The following PIEZO2 variants were observed in gnomAD, a reference collection of about 807,000 sequenced individuals.
The protein encoded by PIEZO2 is piezo-type mechanosensitive ion channel component 2.
In PIEZO2, 172 loss-of-function variants were observed where a neutral mutation model predicts 337.3. The observed-to-expected ratio is 0.51, with a 90% CI of 0.45 to 0.58. The LOEUF is 0.58. PIEZO2 is among the 20% of genes least tolerant of loss of function. The probability of loss-of-function intolerance (pLI) is 0.00; values close to 1 mark genes in which losing one functional copy is unlikely to be tolerated. For synonymous variants in PIEZO2, 1,251 were observed against 1,228.5 expected, an observed-to-expected ratio of 1.02 and a Z score of -0.38; for missense variants, 3,028 against 3,391.3, an observed-to-expected ratio of 0.89 and a Z score of 2.66.
Position 11,038,542 on chromosome 18 carries a change from G to T in PIEZO2, c.160+27585C>A, listed in dbSNP as rs1262232403. Among the ~76,000 whole-genome samples the T allele has an allele frequency of 1.3e-5, 2 of 152,106 alleles. No homozygotes were observed. The highest frequency in any genetic ancestry group is 2.9e-5 in the Non-Finnish European group (2 of 68,022). ...AGATATGGGAGGCAGTACTCCTCCT[G>T]CAAACCCCTGGATGAAGACTGAATG... is the stretch of plus-strand genomic sequence containing the variant. On this transcript the variant is annotated intron_variant, in intron 2 of 55. Coordinates refer to ENST00000674853, the MANE Select transcript of PIEZO2 (RefSeq NM_001378183.1). The surrounding 1 kb of genome is among the most constrained non-coding windows in gnomAD (Gnocchi z 4.1).
intron 7 of PIEZO2, among the ~76,000 whole-genome samples, chr18:10,809,291 A>G (rs1362509821): frequency 7.2e-5 from 2 of 27,648 alleles, no homozygotes; most frequent in Admixed American, 4.5e-4. Flanking sequence ...TTTTTTTTTG[A>G]GACAGAGTCT....
intron 11 of PIEZO2, among the ~76,000 whole-genome samples, chr18:10,799,725 C>A (rs999027552): frequency 6.6e-6 from 1 of 152,188 alleles, no homozygotes; most frequent in Non-Finnish European, 1.5e-5. Flanking sequence ...GTAGTCCTAG[C>A]AGTTTGGTAG....
chr18:10,949,539 C>T (rs1037869482), intron 3 of PIEZO2, among the ~76,000 whole-genome samples: 2 of 152,236 alleles, frequency 1.3e-5, no homozygotes, highest in East Asian at 3.8e-4. Flanking sequence ...AAAAGTCAGC[C>T]ATTCTGGCTC....
intron 2 of PIEZO2, among the ~76,000 whole-genome samples, chr18:11,053,524 T>G (rs2145860831): frequency 6.6e-6 from 1 of 152,306 alleles, no homozygotes; most frequent in East Asian, 1.9e-4. Context: ...TCAAGGGATC[T>G]TCCCACCTTA....
chr18:10,773,454 C>G lies in PIEZO2; in HGVS notation c.2743G>C (p.Gly915Arg), dbSNP rs750411760. The change falls in exon 20 of 56, where the codon GGA becomes CGA. Residue 915 changes from glycine (G) to arginine (R), a missense_variant. By Grantham distance (125) the Gly-to-Arg change is moderately radical. Around this residue, in one of 5 missense-constraint regions of PIEZO2, gnomAD observed 1,925 missense variants for 2,051.9 expected, o/e 0.94. Transcript: ENST00000674853. This position sits in a 1 kb window ranked among gnomAD's most constrained non-coding sequence, Gnocchi z 5.3. Reference sequence around the variant, plus strand: ...TCCTCGGATTCCTCCTCTTCCTCTCCGTCCTCCTCTGACTCCTCGCTGTCT... The same window carrying G: ...TCCTCGGATTCCTCCTCTTCCTCTCGGTCCTCCTCTGACTCCTCGCTGTCT... Reference protein sequence around the residue: ...GKDSEESEEDGEEEEESEEEE... With the variant: ...GKDSEESEEDREEEEESEEEE... 3 of 1,537,386 alleles carry G rather than the reference C, an allele frequency of 2.0e-6. No homozygotes were observed. Among genetic ancestry groups the G allele is most frequent in the South Asian group, 1.2e-5 (1 of 84,058 alleles).
At chr18:11,039,347 G>A (rs76580155) in intron 2 of PIEZO2, among the ~76,000 whole-genome samples, 5,358 of 152,276 alleles carry the variant, frequency 0.035, 143 homozygotes, top group Middle Eastern at 0.058. Context: ...TCTATAGGCA[G>A]AAAGGGCGGA....
In PIEZO2 at chr18:10,833,566, T is replaced by C. The variant is rs1393005135; in HGVS notation, c.917+21787A>G. Reference sequence around the variant, plus strand: ...CCCAGTTACTACAAGGATGAGAGATTGTACAGCCCAAACTGCACCTGAACC... The same window carrying C: ...CCCAGTTACTACAAGGATGAGAGATCGTACAGCCCAAACTGCACCTGAACC... On this transcript the variant is annotated intron_variant, in intron 7 of 55. Transcript: ENST00000674853. This position sits in a 1 kb window ranked among gnomAD's most constrained non-coding sequence, Gnocchi z 4.7. Among the ~76,000 whole-genome samples the C allele has an allele frequency of 6.6e-6, 1 of 152,156 alleles. No homozygotes were observed. The highest frequency in any genetic ancestry group is 2.4e-5 in the African/African-American group (1 of 41,426).
chr18:10,702,157 G>C lies in PIEZO2; in HGVS notation c.6273C>G (p.Val2091=). 1.3e-6 allele frequency: 2 copies of C among 1,536,516 alleles called. No homozygotes were observed. Among genetic ancestry groups the C allele is most frequent in the Non-Finnish European group, 1.7e-6 (2 of 1,146,714 alleles). Residue 2091 remains valine, a synonymous_variant, in exon 43 of 56, where the codon GTC becomes GTG. Transcript: ENST00000674853. ...AGAACCCAAATTGGAAGAAATACTTGACTACAATTGCCACCTACGCACAGA... is the reference window on the plus strand; with the variant it reads ...AGAACCCAAATTGGAAGAAATACTTCACTACAATTGCCACCTACGCACAGA... ...AIVYTEVAIV[V]KYFFQFGFFP...
At position 10,762,519 on chromosome 18, in the gene PIEZO2, G is replaced by A; in HGVS notation, c.3230C>T (p.Pro1077Leu). The change falls in exon 23 of 56, where the codon CCT becomes CTT. Residue 1077 changes from proline (P) to leucine (L), a missense_variant. Physicochemically the swap from Pro to Leu is moderately conservative, Grantham distance 98. This residue lies in a region of PIEZO2 where 1,925 missense variants were observed against 2,051.9 expected (regional missense o/e 0.94). Coordinates refer to ENST00000674853, the MANE Select transcript of PIEZO2 (RefSeq NM_001378183.1). ...TEWVGLRKSS[P>L]LLVYLRNNLL... Reference sequence around the variant, plus strand: ...CATTACCCTCAGGTAGACTAGCAGAGGCGAAGACTTCCGCAGGCCGACCCA... The same window carrying A: ...CATTACCCTCAGGTAGACTAGCAGAAGCGAAGACTTCCGCAGGCCGACCCA... 2 of 1,537,292 alleles carry A rather than the reference G, an allele frequency of 1.3e-6. No individual in the cohort carries two copies. The highest frequency in any genetic ancestry group is 1.4e-5 in the African/African-American group (1 of 73,180).
intron 1 of PIEZO2, among the ~76,000 whole-genome samples, chr18:11,137,384 T>C (rs748972713): frequency 6.6e-6 from 1 of 152,196 alleles, no homozygotes; most frequent in Admixed American, 6.5e-5. Flanking sequence ...TTTATGGCCA[T>C]ACCTTTTAAT....
At chr18:11,000,280 A>C (rs1357295253) in intron 2 of PIEZO2, among the ~76,000 whole-genome samples, 1 of 152,192 alleles carries the variant, frequency 6.6e-6, no homozygotes, top group Non-Finnish European at 1.5e-5. Flanking sequence ...TTCCTTGCAA[A>C]AGCTCAATTT....
At chr18:10,728,783 G>A (rs1426852785) in intron 36 of PIEZO2, among the ~76,000 whole-genome samples, 4 of 151,766 alleles carry the variant, frequency 2.6e-5, no homozygotes, top group Admixed American at 6.6e-5. Flanking sequence ...GTGAAACCTC[G>A]TCTCTACTAA....
intron 2 of PIEZO2, among the ~76,000 whole-genome samples, chr18:10,990,385 T>A (rs1349264854): frequency 1.3e-5 from 2 of 152,140 alleles, no homozygotes; most frequent in African/African-American, 2.4e-5. Flanking sequence ...CTTTGGTTAA[T>A]CCTCTAATAA....
Position 10,855,506 on chromosome 18 carries a change from G to T in PIEZO2, c.764C>A (p.Thr255Asn). 2.6e-6 allele frequency: 4 copies of T among 1,537,044 alleles called. No individual in the cohort carries two copies. Among genetic ancestry groups the T allele is most frequent in the Non-Finnish European group, 3.5e-6 (4 of 1,146,912 alleles). ...GAACGTCCGGCACCAGGACCACCAGGTGCACAGACCCAAAAATACAAAAAA... is the reference window on the plus strand; with the variant it reads ...GAACGTCCGGCACCAGGACCACCAGTTGCACAGACCCAAAAATACAAAAAA... Reference protein sequence around the residue: ...VYFFVFLGLCTWWSWCRTFDP... With the variant: ...VYFFVFLGLCNWWSWCRTFDP... The change falls in exon 7 of 56, where the codon ACC becomes AAC. Residue 255 changes from threonine (T) to asparagine (N), a missense_variant. Physicochemically the swap from Thr to Asn is moderately conservative, Grantham distance 65 (BLOSUM62 0). Transcript: ENST00000674853. The surrounding 1 kb of genome is among the most constrained non-coding windows in gnomAD (Gnocchi z 4.9).
intron 36 of PIEZO2, among the ~76,000 whole-genome samples, chr18:10,722,977 T>C (rs2036383757): frequency 6.7e-6 from 1 of 148,270 alleles, no homozygotes; most frequent in Non-Finnish European, 1.5e-5. Flanking sequence ...TTTTTTTTTT[T>C]TTTTTTTGAG....
Position 11,077,491 on chromosome 18 carries a change from A to AC in PIEZO2, c.65-11270dup, listed in dbSNP as rs200195857. ...AGACCAACCTGGGCAACATAGTGAGACCCCCATCTCCACACAAAAAAAGAA... is the reference window on the plus strand; with the variant it reads ...AGACCAACCTGGGCAACATAGTGAGACCCCCCATCTCCACACAAAAAAAGAA... On this transcript the variant is annotated intron_variant, in intron 1 of 55. Coordinates refer to ENST00000674853, the MANE Select transcript of PIEZO2 (RefSeq NM_001378183.1). The surrounding 1 kb of genome is among the most constrained non-coding windows in gnomAD (Gnocchi z 4.8). Among the ~76,000 whole-genome samples, 883 of 152,022 alleles carry AC rather than the reference A, an allele frequency of 5.8e-3. 15 individuals are homozygous for AC. Among genetic ancestry groups the AC allele is most frequent in the African/African-American group, 0.019 (798 of 41,444 alleles).
intron 2 of PIEZO2, among the ~76,000 whole-genome samples, chr18:11,040,534 A>C (rs1568320751): frequency 2.0e-5 from 3 of 152,232 alleles, no homozygotes; most frequent in Non-Finnish European, 4.4e-5. Flanking sequence ...ACAATAGCAC[A>C]GAAGTACTTG....
intron 1 of PIEZO2, among the ~76,000 whole-genome samples, chr18:11,140,006 AC>A (rs766606954): frequency 6.6e-6 from 1 of 152,110 alleles, no homozygotes; most frequent in Non-Finnish European, 1.5e-5. Flanking sequence ...ATGGCAATGC[AC>A]CCACCTGGTC....
In PIEZO2 at chr18:10,846,499, A is replaced by G. The variant is rs901663335; in HGVS notation, c.917+8854T>C. Among the ~76,000 whole-genome samples, 1 of 152,200 alleles carries G rather than the reference A, an allele frequency of 6.6e-6. No individual in the cohort carries two copies. Among genetic ancestry groups the G allele is most frequent in the Admixed American group, 6.5e-5 (1 of 15,276 alleles). On this transcript the variant is annotated intron_variant, in intron 7 of 55. Coordinates refer to ENST00000674853, the MANE Select transcript of PIEZO2 (RefSeq NM_001378183.1). The surrounding 1 kb of genome is among the most constrained non-coding windows in gnomAD (Gnocchi z 4.1). ...TACAAGGGTTTTAGGAAACAGAGAGAGAAAAGAAGCTTGAACTAAGAGTTC... is the reference window on the plus strand; with the variant it reads ...TACAAGGGTTTTAGGAAACAGAGAGGGAAAAGAAGCTTGAACTAAGAGTTC...
Sources: gnomAD v4.1 joint callset for allele counts (sites outside exome capture counted in the v4.1 genomes callset) on GRCh38, gnomAD v4.1.1 for gene constraint, gnomAD v4.1.1 regional missense constraint, Gnocchi (gnomAD v3.1) non-coding constraint, MANE v1.5 for transcripts, NCBI Gene and HGNC (gene_info 2026-07-23, HGNC 2026-07-21) for gene names.